ADAMTS16: variants seen among roughly 807,000 people sequenced by gnomAD.
ADAMTS16 encodes A disintegrin and metalloproteinase with thrombospondin motifs 16.
A neutral mutation model predicts 145.8 loss-of-function variants in ADAMTS16; 94 were observed. The ratio of observed to expected loss-of-function variants is 0.64; its 90% CI spans 0.55 to 0.77. The LOEUF (loss-of-function observed/expected upper bound fraction) is 0.77, where lower values mean the gene tolerates loss of function less well. Among genes scored for constraint, ADAMTS16 ranks in the 30% least tolerant of loss-of-function variants. The probability of loss-of-function intolerance (pLI) is 0.00; values close to 1 mark genes in which losing one functional copy is unlikely to be tolerated. For missense variants in ADAMTS16, 1,585 were observed against 1,591.5 expected (o/e 1.00, Z 0.07); for synonymous variants, 659 against 604.3 (o/e 1.09, Z -1.33).
intron 13 of ADAMTS16, 101 bp downstream of exon 13, chr5:5,235,287 G>T (rs142076450): frequency 1.6e-6 from 2 of 1,242,630 alleles, no homozygotes; most frequent in Non-Finnish European, 2.1e-6. Flanking sequence ...TAAACCAGAC[G>T]TCGCTCTGGG....
chr5:5,261,098 A>C (rs1737998780), intron 17 of ADAMTS16, among the ~76,000 whole-genome samples: 1 of 152,156 alleles, frequency 6.6e-6, no homozygotes, highest in Admixed American at 6.5e-5. Flanking sequence ...TTGTGTGTTA[A>C]TATTAAATCA....
chr5:5,298,991 T>G (rs2126503591), intron 18 of ADAMTS16, among the ~76,000 whole-genome samples: 1 of 152,140 alleles, frequency 6.6e-6, no homozygotes, highest in South Asian at 2.1e-4. Context: ...AGGCACCGCC[T>G]AGCGAATGCT....
At chr5:5,152,334 G>T (rs11134095) in intron 3 of ADAMTS16, among the ~76,000 whole-genome samples, 30,413 of 152,228 alleles carry the variant, frequency 0.2, 3,168 homozygotes, top group East Asian at 0.31. Flanking sequence ...TTCCCTGGTT[G>T]TGCTTCCTGT....
chr5:5,273,784 T>C (rs1459885076), intron 18 of ADAMTS16, among the ~76,000 whole-genome samples: 1 of 152,214 alleles, frequency 6.6e-6, no homozygotes, highest in Non-Finnish European at 1.5e-5. Context: ...AAGTGATAAC[T>C]ATAGACAAAC....
intron 18 of ADAMTS16, among the ~76,000 whole-genome samples, chr5:5,268,557 C>G (rs1738345417): frequency 6.6e-6 from 1 of 152,194 alleles, no homozygotes; most frequent in Non-Finnish European, 1.5e-5. Context: ...TTCGGTCTCT[C>G]ACGCCTGCCA....
intron 8 of ADAMTS16, among the ~76,000 whole-genome samples, chr5:5,192,236 T>A (rs1407055104): frequency 6.6e-6 from 1 of 152,168 alleles, no homozygotes; most frequent in African/African-American, 2.4e-5. Flanking sequence ...CAAGTTTCCA[T>A]GTCCCTGGGT....
intron 21 of ADAMTS16, among the ~76,000 whole-genome samples, chr5:5,315,963 C>A (rs1734042931): frequency 1.3e-5 from 2 of 152,128 alleles, no homozygotes; most frequent in South Asian, 4.2e-4. Context: ...GGGAAAAAAA[C>A]AGACAAACAG....
chr5:5,146,454 T>G lies in ADAMTS16; in HGVS notation c.500T>G (p.Leu167Trp). The G allele has an allele frequency of 6.2e-7, 1 of 1,604,894 alleles. No homozygotes were observed. Residue 167 changes from leucine (L) to tryptophan (W), a missense_variant and splice_region_variant, in exon 3 of 23, where the codon TTG (leucine) becomes TGG (tryptophan). Around this residue, in one of 3 missense-constraint regions of ADAMTS16, gnomAD observed 453 missense variants for 412.1 expected, o/e 1.10. Transcript: ENST00000274181. ...SSVALSTCQG[L>W]SGMIRTEEAD... ...GTGGCCCTTTCAACCTGCCAAGGCTTGGTGAGTACAGCGCAAGCCCCAGGT... is the reference window on the plus strand; with the variant it reads ...GTGGCCCTTTCAACCTGCCAAGGCTGGGTGAGTACAGCGCAAGCCCCAGGT...
intron 17 of ADAMTS16, among the ~76,000 whole-genome samples, chr5:5,242,729 A>G (rs541690420): frequency 5.3e-5 from 8 of 152,356 alleles, no homozygotes; most frequent in East Asian, 1.9e-4. Context: ...GCACATGTCA[A>G]TTGAGTGCCT....
At chr5:5,195,514 C>A (rs1392264035) in intron 8 of ADAMTS16, among the ~76,000 whole-genome samples, 1 of 152,164 alleles carries the variant, frequency 6.6e-6, no homozygotes, top group African/African-American at 2.4e-5. Flanking sequence ...ACCTAGGTTT[C>A]CGATCTGCAA....
chr5:5,200,586 G>A (rs1735927884), intron 9 of ADAMTS16, among the ~76,000 whole-genome samples: 1 of 152,240 alleles, frequency 6.6e-6, no homozygotes, highest in Non-Finnish European at 1.5e-5. Flanking sequence ...GGAATCTTCA[G>A]GAAGTGAATA....
chr5:5,178,636 CA>C (rs1735258017), intron 3 of ADAMTS16, among the ~76,000 whole-genome samples: 1 of 152,052 alleles, frequency 6.6e-6, no homozygotes, highest in African/African-American at 2.4e-5. Context: ...TATTGTAACT[CA>C]GACTAAATTA....
intron 21 of ADAMTS16, among the ~76,000 whole-genome samples, chr5:5,312,149 A>G (rs564928206): frequency 5.4e-4 from 82 of 152,204 alleles, no homozygotes; most frequent in Admixed American, 1.2e-3. Flanking sequence ...GCAGCTTGTA[A>G]AGAGCTCTCC....
intron 2 of ADAMTS16, among the ~76,000 whole-genome samples, chr5:5,142,930 C>T (rs948130175): frequency 6.6e-6 from 1 of 152,092 alleles, no homozygotes. Flanking sequence ...ATCTTTGGCA[C>T]ATCTGACAAA....
chr5:5,190,309 T>A (rs1278105394), intron 7 of ADAMTS16, among the ~76,000 whole-genome samples, 179 bp downstream of exon 7: 2 of 152,224 alleles, frequency 1.3e-5, no homozygotes, highest in Non-Finnish European at 2.9e-5. Context: ...ACGCTTGCAT[T>A]CATCAAGAGT....
intron 18 of ADAMTS16, among the ~76,000 whole-genome samples, chr5:5,270,659 T>G (rs968010357): frequency 2.0e-5 from 3 of 152,342 alleles, no homozygotes; most frequent in Middle Eastern, 3.4e-3. Context: ...ATTGTATGAT[T>G]TTAACAATTG....
At chr5:5,287,481 T>C (rs1255246786) in intron 18 of ADAMTS16, among the ~76,000 whole-genome samples, 1 of 152,174 alleles carries the variant, frequency 6.6e-6, no homozygotes, top group East Asian at 1.9e-4. Flanking sequence ...ATCATTCAGT[T>C]GCCATTGACT....
At chr5:5,234,140 C>G (rs1312949718) in intron 12 of ADAMTS16, among the ~76,000 whole-genome samples, 1 of 152,228 alleles carries the variant, frequency 6.6e-6, no homozygotes, top group Non-Finnish European at 1.5e-5. Flanking sequence ...CACCTCACCC[C>G]CTACGCCACG....
intron 21 of ADAMTS16, among the ~76,000 whole-genome samples, chr5:5,309,486 G>A (rs931119133): frequency 8.5e-5 from 13 of 152,156 alleles, no homozygotes; most frequent in African/African-American, 1.9e-4. Context: ...GGAAATGCTT[G>A]CTGAATGGTG....
Sources: gnomAD v4.1 joint callset for allele counts (sites outside exome capture counted in the v4.1 genomes callset) on GRCh38, gnomAD v4.1.1 for gene constraint, gnomAD v4.1.1 regional missense constraint, MANE v1.5 for transcripts, NCBI Gene and HGNC (gene_info 2026-07-23, HGNC 2026-07-21) for gene names.